The following MAPK8 variants were observed in gnomAD, a reference collection of about 807,000 sequenced individuals.
The protein encoded by MAPK8 is JUN N-terminal kinase.
MAPK8 carries 13 observed loss-of-function variants against 52.9 expected under a neutral mutation model. The ratio of observed to expected loss-of-function variants is 0.25; its 90% CI spans 0.16 to 0.39. The LOEUF is 0.39. Ranked by LOEUF, MAPK8 falls within the 10% of genes least tolerant of loss-of-function variation. The pLI is 1.00. For synonymous variants in MAPK8, 191 were observed against 169.8 expected (o/e 1.12, Z -0.97); for missense variants, 300 against 519.2 (o/e 0.58, Z 4.10).
At chr10:48,352,028 A>G (rs1846389615) in intron 1 of MAPK8, among the ~76,000 whole-genome samples, 1 of 152,214 alleles carries the variant, frequency 6.6e-6, no homozygotes, top group Non-Finnish European at 1.5e-5. Flanking sequence ...AAATCTACAG[A>G]AATAAATTTG....
chr10:48,398,216 A>G (rs1346157004), intron 1 of MAPK8, among the ~76,000 whole-genome samples: 1 of 152,212 alleles, frequency 6.6e-6, no homozygotes, highest in Non-Finnish European at 1.5e-5. Flanking sequence ...AAATAGTTGC[A>G]AAACATCTGA....
chr10:48,371,557 G>A (rs1848529553), intron 1 of MAPK8, among the ~76,000 whole-genome samples: 1 of 152,068 alleles, frequency 6.6e-6, no homozygotes, highest in Non-Finnish European at 1.5e-5. Context: ...GTGGGGAGTA[G>A]TATCTCCTAC....
At chr10:48,415,833 G>A (rs1427336460) in intron 5 of MAPK8, among the ~76,000 whole-genome samples, 1 of 152,206 alleles carries the variant, frequency 6.6e-6, no homozygotes, top group Non-Finnish European at 1.5e-5. Context: ...CACAAGCACA[G>A]TTGTATTGGG....
At chr10:48,337,129 C>CAA (rs1409133554) in intron 1 of MAPK8, among the ~76,000 whole-genome samples, 1 of 152,134 alleles carries the variant, frequency 6.6e-6, no homozygotes, top group Non-Finnish European at 1.5e-5. Flanking sequence ...ACGTAATACA[C>CAA]ACGTACAGAA....
chr10:48,323,904 A>C (rs1482660834), intron 1 of MAPK8, among the ~76,000 whole-genome samples: 1 of 152,182 alleles, frequency 6.6e-6, no homozygotes, highest in Non-Finnish European at 1.5e-5. Context: ...GTTTAAGTTC[A>C]GTGTGTTTCT....
chr10:48,365,515 T>C (rs1847952684), intron 1 of MAPK8, among the ~76,000 whole-genome samples: 1 of 152,170 alleles, frequency 6.6e-6, no homozygotes, highest in African/African-American at 2.4e-5. Context: ...TTTTTTTATG[T>C]ATTATCAGAT....
At chr10:48,377,301 A>G (rs140144154) in intron 1 of MAPK8, among the ~76,000 whole-genome samples, 1 of 152,218 alleles carries the variant, frequency 6.6e-6, no homozygotes, top group Non-Finnish European at 1.5e-5. Flanking sequence ...TGGCACATGT[A>G]TACCTATGTA....
intron 1 of MAPK8, among the ~76,000 whole-genome samples, chr10:48,381,360 C>G (rs953985954): frequency 1.3e-5 from 2 of 152,036 alleles, no homozygotes; most frequent in African/African-American, 2.4e-5. Flanking sequence ...AAACTCACAC[C>G]CTCCTCTCTT....
chr10:48,315,278 G>T (rs1842382807), intron 1 of MAPK8, among the ~76,000 whole-genome samples: 2 of 152,130 alleles, frequency 1.3e-5, no homozygotes, highest in South Asian at 4.1e-4. Context: ...TGCACAGCTA[G>T]ATGCACAAGC....
At chr10:48,418,487 A>G (rs1308115278) in intron 5 of MAPK8, among the ~76,000 whole-genome samples, 7 of 152,150 alleles carry the variant, frequency 4.6e-5, no homozygotes, top group Non-Finnish European at 1.0e-4. Flanking sequence ...CTGCCAGAGA[A>G]TCCTCTGGAA....
At chr10:48,311,986 A>T (rs1232599685) in intron 1 of MAPK8, among the ~76,000 whole-genome samples, 1 of 152,208 alleles carries the variant, frequency 6.6e-6, no homozygotes, top group South Asian at 2.1e-4. Flanking sequence ...GTATAATTTG[A>T]TAGAAGATAA....
chr10:48,395,585 T>C (rs1246472932), intron 1 of MAPK8, among the ~76,000 whole-genome samples: 8 of 152,074 alleles, frequency 5.3e-5, no homozygotes, highest in Non-Finnish European at 8.8e-5. Context: ...AAAGTCACTG[T>C]TAACACAATT....
intron 1 of MAPK8, among the ~76,000 whole-genome samples, chr10:48,336,993 G>C (rs1844750094): frequency 6.6e-6 from 1 of 152,190 alleles, no homozygotes; most frequent in East Asian, 1.9e-4. Context: ...AATACTACTA[G>C]ACTTAGGAAA....
intron 1 of MAPK8, among the ~76,000 whole-genome samples, chr10:48,367,741 A>C (rs1848182352): frequency 6.6e-6 from 1 of 152,218 alleles, no homozygotes; most frequent in Non-Finnish European, 1.5e-5. Flanking sequence ...TGTTTTAAAA[A>C]TTGTGTCATG....
chr10:48,423,500 T>C (rs561172537), intron 6 of MAPK8, among the ~76,000 whole-genome samples: 1 of 152,298 alleles, frequency 6.6e-6, no homozygotes, highest in East Asian at 1.9e-4. Flanking sequence ...AGAAAACAAA[T>C]GGACTTTTAA....
At chr10:48,393,170 T>G (rs958528721) in intron 1 of MAPK8, among the ~76,000 whole-genome samples, 2 of 152,154 alleles carry the variant, frequency 1.3e-5, no homozygotes, top group Admixed American at 1.3e-4. Context: ...TGTCTCTCAT[T>G]GCTCCAGTTA....
chr10:48,338,821 A>G (rs1029081337), intron 1 of MAPK8, among the ~76,000 whole-genome samples: 1 of 151,118 alleles, frequency 6.6e-6, no homozygotes, highest in Non-Finnish European at 1.5e-5. Context: ...AATTTACAAT[A>G]GACACACACA....
intron 7 of MAPK8, chr10:48,424,714 T>A: frequency 2.0e-6 from 1 of 505,908 alleles, no homozygotes; most frequent in Non-Finnish European, 3.5e-6. Context: ...AAATACCACC[T>A]ACTATTTGAC....
intron 1 of MAPK8, among the ~76,000 whole-genome samples, chr10:48,372,476 A>G (rs973553213): frequency 1.3e-5 from 2 of 152,110 alleles, no homozygotes; most frequent in Non-Finnish European, 1.5e-5. Context: ...AAGAACCTGG[A>G]AAAAAGGTTA....
Sources: gnomAD v4.1 joint callset for allele counts (sites outside exome capture counted in the v4.1 genomes callset) on GRCh38, gnomAD v4.1.1 for gene constraint, MANE v1.5 for transcripts, NCBI Gene and HGNC (gene_info 2026-07-23, HGNC 2026-07-21) for gene names.